The following KIAA2012 variants were observed in gnomAD, a reference collection of about 807,000 sequenced individuals.
KIAA2012 encodes KIAA2012.
Under a neutral mutation model 150.6 loss-of-function variants are expected in KIAA2012, and 125 were observed. The observed-to-expected ratio is 0.83, with a 90% confidence interval of 0.72 to 0.96. The LOEUF is 0.96. KIAA2012 is among the 40% of genes least tolerant of loss of function. The pLI, the probability that KIAA2012 is intolerant of heterozygous loss-of-function variation, is 0.00. For missense variants in KIAA2012, 1,219 were observed against 1,354.9 expected, an observed-to-expected ratio of 0.90 and a Z score of 1.57; for synonymous variants, 462 against 504.7, an observed-to-expected ratio of 0.92 and a Z score of 1.13.
intron 2 of KIAA2012, among the ~76,000 whole-genome samples, chr2:202,080,730 T>A (rs1353815373): frequency 1.3e-5 from 2 of 151,432 alleles, no homozygotes; most frequent in Non-Finnish European, 2.9e-5. Context: ...GGCTAACACT[T>A]ATGTAGAAGT....
At chr2:202,197,881 AAG>A (rs1214637639) in intron 22 of KIAA2012, 1 of 150,368 alleles carries the variant, frequency 6.7e-6, no homozygotes, top group Non-Finnish European at 1.5e-5. Context: ...AAAAAAAAAA[AAG>A]GCAGGGGCTG....
intron 2 of KIAA2012, among the ~76,000 whole-genome samples, chr2:202,080,913 C>T (rs186789601): frequency 6.6e-6 from 1 of 152,216 alleles, no homozygotes; most frequent in Non-Finnish European, 1.5e-5. Context: ...ATATTCACAT[C>T]GTTGTACAAT....
chr2:202,163,216 G>C (rs1397343438), intron 14 of KIAA2012, among the ~76,000 whole-genome samples: 2 of 147,390 alleles, frequency 1.4e-5, no homozygotes, highest in African/African-American at 5.0e-5. Context: ...CAGTTCTCCT[G>C]CCTCAGCCTC....
rs184415941 is a variant in KIAA2012, at chr2:202,168,107, A to G, written c.2119+2751A>G. Among the ~76,000 whole-genome samples the G allele has an allele frequency of 2.0e-5, 3 of 151,948 alleles. No individual in the cohort carries two copies. The East Asian group carries it at 5.8e-4, about 30-fold the overall frequency. ...TGGTTGTGACAAAGAAGAGTTAACT[A>G]TGTAATGTGCTTAGAAAAGTACCCG... On this transcript the variant is annotated intron_variant, in intron 15 of 23. Coordinates refer to ENST00000498697, the MANE Select transcript of KIAA2012 (RefSeq NM_001277372.4).
chr2:202,077,444 G>C (rs753849642), intron 2 of KIAA2012, among the ~76,000 whole-genome samples: 14 of 151,846 alleles, frequency 9.2e-5, no homozygotes, highest in Non-Finnish European at 1.9e-4. Context: ...GTTATATTTG[G>C]GCTCAATGAA....
intron 14 of KIAA2012, among the ~76,000 whole-genome samples, chr2:202,159,684 T>C (rs1691608489): frequency 6.6e-6 from 1 of 152,010 alleles, no homozygotes; most frequent in Admixed American, 6.5e-5. Context: ...CTACTAAAAA[T>C]ATAAAAAATT....
intron 2 of KIAA2012, among the ~76,000 whole-genome samples, chr2:202,085,611 C>G (rs1235259258): frequency 6.6e-6 from 1 of 152,100 alleles, no homozygotes; most frequent in African/African-American, 2.4e-5. Context: ...TTGATTTTAG[C>G]CAGTGAGACC....
rs923343662 is a variant in KIAA2012 at position 202,201,827 on chromosome 2, A to G, written c.3408-602A>G. The G allele has an allele frequency of 2.3e-6, 3 of 1,293,310 alleles. No individual in the cohort carries two copies. In the African/African-American group the frequency reaches 4.4e-5, roughly 19 times the overall value. 80.1% of individuals were successfully genotyped at this position (1,293,310 alleles called of 1,614,324 possible). A position where few individuals can be genotyped will look rare whatever the true frequency, so the allele number is the denominator to read the frequency against. ...GATGCAAGGTCTGAGGGTAGACTGG[A>G]TTCCCAGGAGGCTGCACAGGCTAGG... is the stretch of plus-strand genomic sequence containing the variant. On this transcript the variant is annotated intron_variant, in intron 22 of 23. Coordinates refer to ENST00000498697, the MANE Select transcript of KIAA2012 (RefSeq NM_001277372.4).
chr2:202,103,025 C>T lies in KIAA2012; in HGVS notation c.1235C>T (p.Ala412Val). The change falls in exon 8 of 24, where the codon GCC (alanine) becomes GTC (valine). Residue 412 changes from alanine (A) to valine (V), a missense_variant. Coordinates refer to ENST00000498697, the MANE Select transcript of KIAA2012 (RefSeq NM_001277372.4). ...GAGCCCCTGAAGAGCCAATTTAAAG[C>T]CAATGAGCCCCCAACAGAGCTCTTC... ...VLEPLKSQFK[A>V]NEPPTELFIL... 1 of 1,550,506 alleles carries T rather than the reference C, an allele frequency of 6.4e-7. No homozygotes were observed. Among genetic ancestry groups the T allele is most frequent in the Non-Finnish European group, 8.7e-7 (1 of 1,146,958 alleles).
At chr2:202,201,899 T>G (rs1041435277) in intron 22 of KIAA2012, 18 of 1,010,390 alleles carry the variant, frequency 1.8e-5, no homozygotes, top group Non-Finnish European at 2.7e-5. Context: ...TGGCTGCAGG[T>G]CCGGTTCGTC....
In KIAA2012 at chr2:202,073,627, C is replaced by T. The variant is rs1689255543; in HGVS notation, c.-1C>T. 6.5e-7 allele frequency: 1 copy of T among 1,550,108 alleles called. No homozygotes were observed. The highest frequency in any genetic ancestry group is 1.4e-5 in the African/African-American group (1 of 73,014). ...TTGAGAAGGGGTGGTCAGAGGGAAA[C>T]ATGTTCACGCTCTCCCTCCTGAGCC... On this transcript the variant is annotated 5_prime_UTR_variant, in exon 1 of 24. Coordinates refer to ENST00000498697, the MANE Select transcript of KIAA2012 (RefSeq NM_001277372.4).
At chr2:202,189,002 C>A in intron 18 of KIAA2012, among the ~76,000 whole-genome samples, 1 of 152,200 alleles carries the variant, frequency 6.6e-6, no homozygotes, top group East Asian at 1.9e-4. Context: ...ACAATGGATA[C>A]ACTCCTGAGT....
chr2:202,073,613 T>C lies in KIAA2012; in HGVS notation c.-15T>C. The C allele has an allele frequency of 6.5e-7, 1 of 1,548,852 alleles. No homozygotes were observed. Among genetic ancestry groups the C allele is most frequent in the Non-Finnish European group, 8.7e-7 (1 of 1,146,304 alleles). On this transcript the variant is annotated 5_prime_UTR_variant, in exon 1 of 24. Coordinates refer to ENST00000498697, the MANE Select transcript of KIAA2012 (RefSeq NM_001277372.4). ...AAGATGGACTGCCCTTGAGAAGGGG[T>C]GGTCAGAGGGAAACATGTTCACGCT...
chr2:202,172,986 C>G (rs1228343776), intron 15 of KIAA2012, among the ~76,000 whole-genome samples: 2 of 152,232 alleles, frequency 1.3e-5, no homozygotes, highest in Non-Finnish European at 2.9e-5. Context: ...TGACCTAACT[C>G]TGGTACTGCT....
chr2:202,189,949 A>T (rs979936761), intron 18 of KIAA2012, among the ~76,000 whole-genome samples: 2 of 151,950 alleles, frequency 1.3e-5, no homozygotes, highest in African/African-American at 4.8e-5. Context: ...AAAATTAGCC[A>T]GACATGGTGG....
chr2:202,204,086 T>G (rs1397545982), intron 23 of KIAA2012, among the ~76,000 whole-genome samples: 3 of 151,398 alleles, frequency 2.0e-5, no homozygotes, highest in African/African-American at 4.8e-5. Context: ...GTTTTTTTTT[T>G]TTTTTTTTAA....
chr2:202,124,602 C>T (rs562797694), intron 11 of KIAA2012, among the ~76,000 whole-genome samples: 3 of 152,268 alleles, frequency 2.0e-5, no homozygotes, highest in South Asian at 2.1e-4. Context: ...ATGTGTCAAA[C>T]GTTAACTGTT....
At chr2:202,111,140 T>C (rs1690337839) in intron 10 of KIAA2012, among the ~76,000 whole-genome samples, 1 of 151,980 alleles carries the variant, frequency 6.6e-6, no homozygotes, top group Non-Finnish European at 1.5e-5. Flanking sequence ...CTGGGACAAA[T>C]CACAGCAAAT....
intron 12 of KIAA2012, among the ~76,000 whole-genome samples, chr2:202,134,011 C>T (rs772479070): frequency 3.4e-4 from 51 of 151,730 alleles, no homozygotes; most frequent in Non-Finnish European, 5.9e-5. Flanking sequence ...CTGGAATTTG[C>T]ATTTGCATTT....
Sources: gnomAD v4.1 joint callset for allele counts (sites outside exome capture counted in the v4.1 genomes callset) on GRCh38, gnomAD v4.1.1 for gene constraint, MANE v1.5 for transcripts, NCBI Gene and HGNC (gene_info 2026-07-23, HGNC 2026-07-21) for gene names.